Variants in NALF1 observed in about 807,000 individuals in gnomAD.
NALF1 encodes family with sequence similarity 155 member A.
Under a neutral mutation model 48.4 loss-of-function variants are expected in NALF1, and 3 were observed. The ratio of observed to expected loss-of-function variants is 0.06; its 90% CI spans 0.03 to 0.16. The LOEUF is 0.16. Ranked by LOEUF, NALF1 falls within the 10% of genes least tolerant of loss-of-function variation. The pLI is 1.00. For missense variants in NALF1, 526 were observed against 571.5 expected (o/e 0.92, Z 0.81); for synonymous variants, 262 against 245.7 (o/e 1.07, Z -0.62).
At chr13:107,361,026 T>G (rs1883052012) in intron 1 of NALF1, among the ~76,000 whole-genome samples, 1 of 152,320 alleles carries the variant, frequency 6.6e-6, no homozygotes, top group East Asian at 1.9e-4. Context: ...TGTAAAGGTT[T>G]GATCAGTTTC....
intron 1 of NALF1, among the ~76,000 whole-genome samples, chr13:107,818,751 A>G (rs1313739201): frequency 6.9e-6 from 1 of 144,124 alleles, no homozygotes; most frequent in Non-Finnish European, 1.5e-5. Flanking sequence ...GGGCGCCTGT[A>G]GTCCCAGCTA....
chr13:107,188,411 C>T (rs2138781964), intron 2 of NALF1, among the ~76,000 whole-genome samples: 1 of 151,688 alleles, frequency 6.6e-6, no homozygotes, highest in East Asian at 1.9e-4. Context: ...TAAGAGAGGC[C>T]AATCTAAGAA....
At chr13:107,336,016 C>G (rs901646292) in intron 1 of NALF1, among the ~76,000 whole-genome samples, 1 of 151,832 alleles carries the variant, frequency 6.6e-6, no homozygotes, top group Non-Finnish European at 1.5e-5. Context: ...ATTTCTTGTA[C>G]TTTTCCTCTC....
intron 1 of NALF1, among the ~76,000 whole-genome samples, chr13:107,678,899 A>G (rs1881203483): frequency 1.3e-5 from 2 of 152,218 alleles, no homozygotes; most frequent in South Asian, 2.1e-4. Flanking sequence ...AATGGGGATT[A>G]CAATTCAAGA....
At chr13:107,181,274 T>A (rs1257844214) in intron 2 of NALF1, among the ~76,000 whole-genome samples, 1 of 151,486 alleles carries the variant, frequency 6.6e-6, no homozygotes, top group Non-Finnish European at 1.5e-5. Context: ...CAATATTGAA[T>A]TGAATGCCAC....
At chr13:107,619,341 G>A (rs1189396817) in intron 1 of NALF1, among the ~76,000 whole-genome samples, 2 of 152,182 alleles carry the variant, frequency 1.3e-5, no homozygotes, top group African/African-American at 2.4e-5. Flanking sequence ...GAGGATGGAA[G>A]AGCACTGACC....
At chr13:107,714,191 T>C (rs1483294360) in intron 1 of NALF1, among the ~76,000 whole-genome samples, 2 of 152,216 alleles carry the variant, frequency 1.3e-5, no homozygotes, top group Non-Finnish European at 2.9e-5. Context: ...ATAAAGAATC[T>C]TTTTCATGAC....
At chr13:107,516,518 ATGC>A (rs1876058649) in intron 1 of NALF1, among the ~76,000 whole-genome samples, 1 of 152,208 alleles carries the variant, frequency 6.6e-6, no homozygotes, top group Admixed American at 6.5e-5. Context: ...TTATTAATGT[ATGC>A]TGCTTTCACG....
chr13:107,259,292 C>T (rs1880883617), intron 1 of NALF1, among the ~76,000 whole-genome samples: 1 of 152,146 alleles, frequency 6.6e-6, no homozygotes, highest in Non-Finnish European at 1.5e-5. Flanking sequence ...TATAACTTTA[C>T]CTGGTAATCA....
chr13:107,806,493 A>G (rs1383029077), intron 1 of NALF1, among the ~76,000 whole-genome samples: 1 of 152,140 alleles, frequency 6.6e-6, no homozygotes, highest in Non-Finnish European at 1.5e-5. Context: ...AGAAATGATA[A>G]GAAAATATGA....
intron 1 of NALF1, among the ~76,000 whole-genome samples, chr13:107,607,749 A>G (rs913956993): frequency 2.0e-5 from 3 of 152,262 alleles, no homozygotes; most frequent in Middle Eastern, 3.4e-3. Flanking sequence ...TGGGCAATTT[A>G]CTTAACTACC....
intron 1 of NALF1, among the ~76,000 whole-genome samples, chr13:107,483,917 T>C (rs892648650): frequency 6.6e-6 from 1 of 152,044 alleles, no homozygotes; most frequent in African/African-American, 2.4e-5. Flanking sequence ...AGCAAATATA[T>C]AAAATTTTGT....
chr13:107,694,922 A>G (rs570805676), intron 1 of NALF1, among the ~76,000 whole-genome samples: 2 of 152,050 alleles, frequency 1.3e-5, no homozygotes, highest in East Asian at 3.9e-4. Context: ...CCTCCTGAGT[A>G]GCTGAGACTA....
At position 107,301,269 on chromosome 13, in the gene NALF1, C is replaced by G. The variant is rs533990926; in HGVS notation, c.916-90514G>C. The stretch of plus-strand genomic sequence containing the variant: ...CCATGGATTTAGTCATTTGTGTATT[C>G]ATTAATTCATAGACCAAAACAAAGG... On this transcript the variant is annotated intron_variant, in intron 1 of 2. Coordinates refer to ENST00000375915, the MANE Select transcript of NALF1 (RefSeq NM_001080396.3). Among the ~76,000 whole-genome samples, 20 of 152,164 alleles carry G rather than the reference C, an allele frequency of 1.3e-4. No homozygotes were observed. The South Asian group carries it at 3.9e-3, about 30-fold the overall frequency.
At chr13:107,583,998 A>G (rs944297295) in intron 1 of NALF1, among the ~76,000 whole-genome samples, 7 of 152,162 alleles carry the variant, frequency 4.6e-5, no homozygotes. Context: ...GGGAGTATAT[A>G]GCAATGAGGC....
At chr13:107,639,115 C>T (rs928570863) in intron 1 of NALF1, among the ~76,000 whole-genome samples, 1 of 152,164 alleles carries the variant, frequency 6.6e-6, no homozygotes, top group South Asian at 2.1e-4. Context: ...AAAGCTGCTC[C>T]TATGAAGAGA....
intron 1 of NALF1, among the ~76,000 whole-genome samples, chr13:107,589,071 T>C (rs190920391): frequency 1.3e-5 from 2 of 152,068 alleles, no homozygotes; most frequent in Middle Eastern, 3.2e-3. Flanking sequence ...CCAGAATTTT[T>C]GTTTATGGTT....
chr13:107,359,973 GAGAA>G (rs1883033033), intron 1 of NALF1, among the ~76,000 whole-genome samples: 1 of 152,084 alleles, frequency 6.6e-6, no homozygotes, highest in Admixed American at 6.6e-5. Context: ...GGGCACAAGG[GAGAA>G]ATTGATTTCT....
At chr13:107,680,455 G>C (rs1325786191) in intron 1 of NALF1, among the ~76,000 whole-genome samples, 1 of 151,986 alleles carries the variant, frequency 6.6e-6, no homozygotes, top group African/African-American at 2.4e-5. Flanking sequence ...AGAACTCAAG[G>C]GTGTGAGTGC....
Sources: gnomAD v4.1 joint callset for allele counts (sites outside exome capture counted in the v4.1 genomes callset) on GRCh38, gnomAD v4.1.1 for gene constraint, MANE v1.5 for transcripts, NCBI Gene and HGNC (gene_info 2026-07-23, HGNC 2026-07-21) for gene names.